Variants in ZPBP observed in about 807,000 individuals in gnomAD.
ZPBP encodes zona pellucida-binding protein 1.
Under a neutral mutation model 44.8 loss-of-function variants are expected in ZPBP, and 26 were observed. The ratio of observed to expected loss-of-function variants is 0.58; its 90% CI spans 0.43 to 0.81. ZPBP has a LOEUF of 0.81. Ranked by LOEUF, ZPBP falls within the 30% of genes least tolerant of loss-of-function variation. The pLI is 0.00. For synonymous variants in ZPBP, 174 were observed against 153.2 expected (o/e 1.14, Z -1.00); for missense variants, 409 against 434.0 (o/e 0.94, Z 0.51).
At chr7:50,014,101 T>C (rs1329414727) in intron 6 of ZPBP, among the ~76,000 whole-genome samples, 3 of 152,102 alleles carry the variant, frequency 2.0e-5, no homozygotes, top group Non-Finnish European at 4.4e-5. Flanking sequence ...AATAATCATA[T>C]ATATTAATTT....
At chr7:50,018,384 G>GAAAA in intron 5 of ZPBP, 68 bp from the exon 6 acceptor site, 1 of 1,221,028 alleles carries the variant, frequency 8.2e-7, no homozygotes, top group Non-Finnish European at 1.2e-6. Flanking sequence ...ATTGGATTTT[G>GAAAA]AAAAATGAAA....
intron 2 of ZPBP, among the ~76,000 whole-genome samples, chr7:49,860,072 G>A (rs1214559176): frequency 1.3e-5 from 2 of 151,646 alleles, no homozygotes; most frequent in African/African-American, 4.8e-5. Flanking sequence ...TGCCACTTTT[G>A]TTATTTTTTT....
intron 1 of ZPBP, among the ~76,000 whole-genome samples, chr7:49,901,520 G>A (rs188224338): frequency 3.5e-4 from 53 of 151,824 alleles, no homozygotes; most frequent in African/African-American, 1.2e-3. Flanking sequence ...AGATCTATAT[G>A]AGGAAAAATA....
chr7:49,879,952 C>G (rs996221088), intron 2 of ZPBP, among the ~76,000 whole-genome samples: 2 of 152,074 alleles, frequency 1.3e-5, no homozygotes, highest in African/African-American at 2.4e-5. Context: ...TTTATTGAAG[C>G]AATTTCATTC....
chr7:50,093,151 C>G lies in ZPBP; in HGVS notation c.44G>C (p.Arg15Pro), dbSNP rs1292737432. The change falls in exon 1 of 8, where the codon CGG becomes CCG. Residue 15 changes from arginine to proline, a missense_variant. Arg to Pro is a moderately radical substitution (Grantham distance 103, BLOSUM62 -2). Transcript: ENST00000046087. The stretch of plus-strand genomic sequence containing the variant: ...GAGCAGGGAGCCGGCGGCCCGGGTC[C>G]GCCGCCTGCCCCGCCGCGCTGGGCC... ...ALGPARRGRR[R>P]TRAAGSLLSR... 6.5e-7 allele frequency: 1 copy of G among 1,541,436 alleles called. No homozygotes were observed. Among genetic ancestry groups the G allele is most frequent in the Admixed American group, 2.0e-5 (1 of 50,526 alleles).
At chr7:49,976,509 C>T (rs2128773568) in intron 7 of ZPBP, among the ~76,000 whole-genome samples, 1 of 152,256 alleles carries the variant, frequency 6.6e-6, no homozygotes, top group South Asian at 2.1e-4. Flanking sequence ...TTTCCACACA[C>T]CCCCTTCTAT....
intron 5 of ZPBP, among the ~76,000 whole-genome samples, chr7:50,021,473 C>A (rs1176101203): frequency 1.3e-5 from 2 of 148,332 alleles, no homozygotes; most frequent in Non-Finnish European, 3.0e-5. Context: ...CTGAAATTAT[C>A]CAGTCAGAGA....
At chr7:49,877,478 AAAAAT>A (rs1161190979) in intron 2 of ZPBP, among the ~76,000 whole-genome samples, 28 of 39,140 alleles carry the variant, frequency 7.2e-4, no homozygotes, top group South Asian at 1.2e-3. Context: ...AAAAAAAAAA[AAAAAT>A]ATATATATAT....
At chr7:50,030,363 G>GT (rs1177142941) in intron 5 of ZPBP, among the ~76,000 whole-genome samples, 1 of 151,858 alleles carries the variant, frequency 6.6e-6, no homozygotes, top group Non-Finnish European at 1.5e-5. Context: ...GGCTGAACTT[G>GT]TTTTTTTCCC....
chr7:50,012,871 G>C (rs915716382), intron 6 of ZPBP, among the ~76,000 whole-genome samples: 7 of 150,936 alleles, frequency 4.6e-5, no homozygotes, highest in Non-Finnish European at 1.0e-4. Flanking sequence ...CAGATGACAT[G>C]ATAGATTACA....
intron 3 of ZPBP, among the ~76,000 whole-genome samples, chr7:50,076,701 T>A (rs544708405): frequency 6.6e-6 from 1 of 150,992 alleles, no homozygotes; most frequent in Admixed American, 6.6e-5. Flanking sequence ...AAGTGAAAGA[T>A]CTCTATAATG....
At chr7:49,927,214 T>C (rs1251334156) in intron 1 of ZPBP, among the ~76,000 whole-genome samples, 1 of 152,186 alleles carries the variant, frequency 6.6e-6, no homozygotes, top group Non-Finnish European at 1.5e-5. Context: ...TTCCCCTTCA[T>C]GGTTAGGATC....
intron 1 of ZPBP, chr7:49,915,812 G>T (rs1295366478): frequency 6.6e-6 from 1 of 152,082 alleles, no homozygotes; most frequent in Non-Finnish European, 1.5e-5. Flanking sequence ...CCAACATAAT[G>T]TTATTATGAA....
At chr7:49,940,487 G>C (rs150465489) in intron 7 of ZPBP, among the ~76,000 whole-genome samples, 3 of 151,992 alleles carry the variant, frequency 2.0e-5, no homozygotes, top group Non-Finnish European at 4.4e-5. Flanking sequence ...ATAGACATCA[G>C]AATGTAATAC....
chr7:49,908,947 TA>T (rs1187682043), intron 1 of ZPBP, among the ~76,000 whole-genome samples: 1 of 152,236 alleles, frequency 6.6e-6, no homozygotes, highest in Non-Finnish European at 1.5e-5. Flanking sequence ...CTTAGAATGA[TA>T]AAAACTCATT....
At chr7:50,054,889 C>A (rs1403559471) in intron 4 of ZPBP, among the ~76,000 whole-genome samples, 1 of 151,926 alleles carries the variant, frequency 6.6e-6, no homozygotes, top group Non-Finnish European at 1.5e-5. Flanking sequence ...ACACAAATAA[C>A]AAGATTTGAA....
intron 7 of ZPBP, among the ~76,000 whole-genome samples, chr7:49,955,954 C>G (rs978356760): frequency 6.6e-6 from 1 of 152,082 alleles, no homozygotes; most frequent in Admixed American, 6.6e-5. Context: ...ATCAATTAAC[C>G]ACTGAATTAT....
chr7:49,875,512 G>C (rs1300629830), intron 2 of ZPBP, among the ~76,000 whole-genome samples: 3 of 152,002 alleles, frequency 2.0e-5, no homozygotes, highest in Non-Finnish European at 4.4e-5. Flanking sequence ...AGCTGGAGGA[G>C]AGCCAGTGTC....
At chr7:50,081,355 CTG>C (rs1802342223) in intron 3 of ZPBP, among the ~76,000 whole-genome samples, 2 of 151,684 alleles carry the variant, frequency 1.3e-5, no homozygotes, top group Non-Finnish European at 3.0e-5. Context: ...GCTAAGTTAA[CTG>C]TAGTTTTTTA....
Sources: allele counts gnomAD v4.1 joint callset (sites outside exome capture counted in the v4.1 genomes callset), GRCh38; gene constraint gnomAD v4.1.1; transcripts MANE v1.5; gene names NCBI Gene and HGNC (gene_info 2026-07-23, HGNC 2026-07-21).